GMDS: variants seen among roughly 807,000 people sequenced by gnomAD.
GMDS encodes GDP-mannose 4,6 dehydratase.
GMDS carries 20 observed loss-of-function variants against 49.9 expected under a neutral mutation model. That is an observed-to-expected ratio of 0.40 (90% CI 0.28 to 0.58). The LOEUF is 0.58. Ranked by LOEUF, GMDS falls within the 20% of genes least tolerant of loss-of-function variation. The probability of loss-of-function intolerance (pLI) is 0.42; values close to 1 mark genes in which losing one functional copy is unlikely to be tolerated. For synonymous variants in GMDS, 177 were observed against 178.6 expected, an observed-to-expected ratio of 0.99 and a Z score of 0.07; for missense variants, 362 against 481.4, an observed-to-expected ratio of 0.75 and a Z score of 2.32.
intron 9 of GMDS, among the ~76,000 whole-genome samples, chr6:1,678,125 C>G (rs945091293): frequency 4.6e-5 from 7 of 151,972 alleles, no homozygotes; most frequent in African/African-American, 1.5e-4. Flanking sequence ...TGGTGGCCAG[C>G]CTTAGGAGGG....
intron 1 of GMDS, among the ~76,000 whole-genome samples, chr6:2,155,312 A>C (rs180867366): frequency 1.3e-5 from 2 of 152,244 alleles, no homozygotes; most frequent in African/African-American, 4.8e-5. Flanking sequence ...GAGAAGCTGC[A>C]AAAAAGACTA....
At chr6:1,870,009 C>T (rs1758647657) in intron 7 of GMDS, among the ~76,000 whole-genome samples, 1 of 152,234 alleles carries the variant, frequency 6.6e-6, no homozygotes, top group Non-Finnish European at 1.5e-5. Context: ...CCATTCTCCC[C>T]AAGTAGGCAG....
At chr6:1,764,643 C>T (rs1253854491) in intron 7 of GMDS, among the ~76,000 whole-genome samples, 1 of 152,088 alleles carries the variant, frequency 6.6e-6, no homozygotes, top group Non-Finnish European at 1.5e-5. Context: ...ATCACCGCTC[C>T]GTAACGATCG....
intron 6 of GMDS, among the ~76,000 whole-genome samples, chr6:1,955,141 AAAG>A (rs1763562022): frequency 1.3e-5 from 2 of 152,194 alleles, no homozygotes; most frequent in Admixed American, 1.3e-4. Flanking sequence ...TTCAGTATGA[AAAG>A]AAGAAAAAAG....
At chr6:2,058,397 C>T (rs1479175609) in intron 4 of GMDS, among the ~76,000 whole-genome samples, 2 of 150,516 alleles carry the variant, frequency 1.3e-5, no homozygotes, top group Non-Finnish European at 3.0e-5. Context: ...GAAAAATGTC[C>T]CTAAAAAAGA....
At chr6:1,827,349 G>A (rs192946740) in intron 7 of GMDS, among the ~76,000 whole-genome samples, 236 of 136,126 alleles carry the variant, frequency 1.7e-3, no homozygotes, top group African/African-American at 6.4e-3. Context: ...ATATACACAC[G>A]TTTTGGAAAA....
intron 7 of GMDS, among the ~76,000 whole-genome samples, chr6:1,917,895 C>A (rs1186493732): frequency 6.6e-6 from 1 of 152,160 alleles, no homozygotes; most frequent in Non-Finnish European, 1.5e-5. Flanking sequence ...GTCGTCTGAG[C>A]ATGTGGGTGA....
intron 4 of GMDS, among the ~76,000 whole-genome samples, chr6:2,090,021 C>A (rs1367222919): frequency 1.3e-5 from 2 of 152,152 alleles, no homozygotes; most frequent in Admixed American, 1.3e-4. Context: ...GCCAAATGGG[C>A]AAATGTCCTC....
intron 7 of GMDS, among the ~76,000 whole-genome samples, chr6:1,746,120 C>A (rs1365551256): frequency 1.3e-5 from 2 of 152,234 alleles, no homozygotes; most frequent in African/African-American, 2.4e-5. Context: ...GACCACATGA[C>A]CCATGACATG....
chr6:1,754,713 G>T (rs1767874179), intron 7 of GMDS, among the ~76,000 whole-genome samples: 1 of 152,140 alleles, frequency 6.6e-6, no homozygotes, highest in Admixed American at 6.5e-5. Flanking sequence ...GGGATGCAAG[G>T]CTGGTTCAAC....
intron 7 of GMDS, among the ~76,000 whole-genome samples, chr6:1,849,997 C>T (rs78383642): frequency 0.017 from 2,570 of 152,304 alleles, 56 homozygotes; most frequent in African/African-American, 0.059. Flanking sequence ...ACATTCACTG[C>T]ACATAAAATA....
chr6:1,698,416 G>C lies in GMDS; in HGVS notation c.987+28000C>G, dbSNP rs557111922. Among the ~76,000 whole-genome samples the C allele has an allele frequency of 1.2e-4, 18 of 152,276 alleles. No homozygotes were observed. In the South Asian group the frequency reaches 3.1e-3, roughly 26 times the overall value. ...GTCCAAACACACACTCAGGTGTTTCGGGAAGAACATCCTCCCTCCCTGCAA... is the reference window on the plus strand; with the variant it reads ...GTCCAAACACACACTCAGGTGTTTCCGGAAGAACATCCTCCCTCCCTGCAA... On this transcript the variant is annotated intron_variant, in intron 9 of 10. Coordinates refer to ENST00000380815, the MANE Select transcript of GMDS (RefSeq NM_001500.4).
At chr6:1,650,697 T>C (rs1763624054) in intron 9 of GMDS, among the ~76,000 whole-genome samples, 1 of 152,146 alleles carries the variant, frequency 6.6e-6, no homozygotes, top group Admixed American at 6.5e-5. Context: ...CACCTCAGCC[T>C]CTCGAGTAGC....
In GMDS at chr6:1,766,859, C is replaced by T. The variant is rs1032962115; in HGVS notation, c.772-24273G>A. Among the ~76,000 whole-genome samples the T allele has an allele frequency of 1.3e-5, 2 of 152,212 alleles. No individual in the cohort carries two copies. The highest frequency in any genetic ancestry group is 2.4e-5 in the African/African-American group (1 of 41,450). On this transcript the variant is annotated intron_variant, in intron 7 of 10. Coordinates refer to ENST00000380815, the MANE Select transcript of GMDS (RefSeq NM_001500.4). This position sits in a 1 kb window ranked among gnomAD's most constrained non-coding sequence, Gnocchi z 4.5. Reference sequence around the variant, plus strand: ...GGACTAAACAAAGCCTGGCAATGGGCCAGATCTGGTCAGCTAGGTCTCCCA... The same window carrying T: ...GGACTAAACAAAGCCTGGCAATGGGTCAGATCTGGTCAGCTAGGTCTCCCA...
At chr6:1,692,704 C>T (rs184425281) in intron 9 of GMDS, among the ~76,000 whole-genome samples, 37 of 152,306 alleles carry the variant, frequency 2.4e-4, no homozygotes, top group African/African-American at 8.9e-4. Context: ...ATGTAATTTT[C>T]ATGACAGACA....
intron 7 of GMDS, among the ~76,000 whole-genome samples, chr6:1,917,879 G>C (rs1356875836): frequency 1.3e-5 from 2 of 152,122 alleles, no homozygotes; most frequent in Non-Finnish European, 2.9e-5. Flanking sequence ...CCAAGAACAG[G>C]GATATGTCGT....
chr6:2,169,088 A>T (rs1159162672), intron 1 of GMDS, among the ~76,000 whole-genome samples: 1 of 152,204 alleles, frequency 6.6e-6, no homozygotes, highest in Non-Finnish European at 1.5e-5. Flanking sequence ...TCCAGAGGGA[A>T]AAAAAACTAA....
intron 1 of GMDS, among the ~76,000 whole-genome samples, chr6:2,134,027 G>A (rs1250838141): frequency 6.6e-6 from 1 of 152,078 alleles, no homozygotes; most frequent in Non-Finnish European, 1.5e-5. Flanking sequence ...ACCCAAAGAA[G>A]GTATCCAAAA....
intron 8 of GMDS, among the ~76,000 whole-genome samples, chr6:1,732,011 TAAACA>T (rs1422498566): frequency 6.6e-6 from 1 of 152,150 alleles, no homozygotes; most frequent in Middle Eastern, 3.2e-3. Flanking sequence ...AGCTCTACAG[TAAACA>T]AATGACAATT....
Sources: gnomAD v4.1 joint callset for allele counts (sites outside exome capture counted in the v4.1 genomes callset) on GRCh38, gnomAD v4.1.1 for gene constraint, Gnocchi (gnomAD v3.1) non-coding constraint, MANE v1.5 for transcripts, NCBI Gene and HGNC (gene_info 2026-07-23, HGNC 2026-07-21) for gene names.